Variants in ARHGAP12 observed in about 807,000 individuals in gnomAD.
ARHGAP12 encodes the protein rho GTPase-activating protein 12.
In ARHGAP12, 64 loss-of-function variants were observed where a neutral mutation model predicts 108.6. The ratio of observed to expected loss-of-function variants is 0.59; its 90% CI spans 0.48 to 0.73. The LOEUF (loss-of-function observed/expected upper bound fraction) is 0.73, where lower values mean the gene tolerates loss of function less well. Ranked by LOEUF, ARHGAP12 falls within the 30% of genes least tolerant of loss-of-function variation. The pLI, the probability that ARHGAP12 is intolerant of heterozygous loss-of-function variation, is 0.00. For synonymous variants in ARHGAP12, 312 were observed against 337.2 expected, an observed-to-expected ratio of 0.93 and a Z score of 0.82; for missense variants, 940 against 1,005.9, an observed-to-expected ratio of 0.93 and a Z score of 0.89.
At chr10:31,843,084 T>C (rs1836329075) in intron 7 of ARHGAP12, among the ~76,000 whole-genome samples, 1 of 152,062 alleles carries the variant, frequency 6.6e-6, no homozygotes, top group Non-Finnish European at 1.5e-5. Flanking sequence ...GATAACAGAA[T>C]GTGACTTTAA....
At chr10:31,854,006 C>T (rs1836793105) in intron 5 of ARHGAP12, 60 bp downstream of exon 5, 5 of 1,522,946 alleles carry the variant, frequency 3.3e-6, no homozygotes, top group Non-Finnish European at 4.4e-6. Context: ...AACTGCAGTA[C>T]ACAACTATTT....
intron 3 of ARHGAP12, among the ~76,000 whole-genome samples, chr10:31,895,078 T>C (rs376083526): frequency 9.9e-5 from 15 of 152,122 alleles, no homozygotes; most frequent in Non-Finnish European, 1.9e-4. Flanking sequence ...CCCTTCCTTA[T>C]ACCTTACACA....
intron 13 of ARHGAP12, among the ~76,000 whole-genome samples, chr10:31,814,852 A>G (rs1008725265): frequency 6.6e-6 from 1 of 152,026 alleles, no homozygotes; most frequent in Non-Finnish European, 1.5e-5. Context: ...GGTGGCTCAC[A>G]CCTGTAATCC....
intron 3 of ARHGAP12, among the ~76,000 whole-genome samples, chr10:31,876,597 T>C (rs1412343863): frequency 6.8e-6 from 1 of 147,586 alleles, no homozygotes; most frequent in Non-Finnish European, 1.5e-5. Context: ...CTCCACAACA[T>C]CTTACATATG....
At chr10:31,905,361 G>C (rs867693179) in intron 3 of ARHGAP12, among the ~76,000 whole-genome samples, 33 of 152,284 alleles carry the variant, frequency 2.2e-4, no homozygotes, top group African/African-American at 7.2e-4. Context: ...CTCCTGCATA[G>C]CTGGGACTAC....
intron 3 of ARHGAP12, among the ~76,000 whole-genome samples, chr10:31,895,790 G>T (rs1451585066): frequency 6.6e-6 from 1 of 152,224 alleles, no homozygotes; most frequent in African/African-American, 2.4e-5. Context: ...ACATGCACAC[G>T]TATGTTTATT....
At chr10:31,867,898 A>T (rs1837388602) in intron 3 of ARHGAP12, among the ~76,000 whole-genome samples, 1 of 150,214 alleles carries the variant, frequency 6.7e-6, no homozygotes, top group Non-Finnish European at 1.5e-5. Context: ...ATGATTTCTG[A>T]TTTAAAAAAA....
At chr10:31,833,438 G>C (rs1011840895) in intron 9 of ARHGAP12, among the ~76,000 whole-genome samples, 3 of 151,960 alleles carry the variant, frequency 2.0e-5, no homozygotes, top group Non-Finnish European at 4.4e-5. Flanking sequence ...CTAAGGATGA[G>C]AGGGAGAGTC....
chr10:31,863,273 T>C (rs1045324138), intron 3 of ARHGAP12, among the ~76,000 whole-genome samples: 2 of 152,236 alleles, frequency 1.3e-5, no homozygotes, highest in Non-Finnish European at 2.9e-5. Flanking sequence ...CTAGTGAATG[T>C]GTTTTCTCTG....
chr10:31,908,419 A>C lies in ARHGAP12; in HGVS notation c.437T>G (p.Val146Gly), dbSNP rs1482518289. 6.2e-7 allele frequency: 1 copy of C among 1,614,188 alleles called. No individual in the cohort carries two copies. The highest frequency in any genetic ancestry group is 1.3e-5 in the African/African-American group (1 of 75,044). ...ATGGGTCAGGTCCAGGCTTAGGTTG[A>C]CAGTCTGACCTTGATTATAACTGGG... ...FGPSYNQGQT[V>G]NLSLDLTHNN... is the part of the protein sequence containing the mutation. Residue 146 changes from valine to glycine, a missense_variant, in exon 3 of 20, where the codon GTC becomes GGC. Transcript: ENST00000344936.
intron 4 of ARHGAP12, among the ~76,000 whole-genome samples, chr10:31,854,636 A>C (rs1836819147): frequency 6.6e-6 from 1 of 152,202 alleles, no homozygotes; most frequent in African/African-American, 2.4e-5. Context: ...AGCCACATGC[A>C]AGGCAAACAA....
rs1156710703 is a variant in ARHGAP12, at chr10:31,823,116, C to T, written c.1531-2628G>A. On this transcript the variant is annotated intron_variant, in intron 11 of 19. Coordinates refer to ENST00000344936, the MANE Select transcript of ARHGAP12 (RefSeq NM_018287.7). ...TGTCACACTGAACCTGTTCACTTGTCAGTCTTCCCCACTACTACGTAAGCT... is the reference window on the plus strand; with the variant it reads ...TGTCACACTGAACCTGTTCACTTGTTAGTCTTCCCCACTACTACGTAAGCT... Among the ~76,000 whole-genome samples, 4 of 152,134 alleles carry T rather than the reference C, an allele frequency of 2.6e-5. No homozygotes were observed. The South Asian group carries it at 8.3e-4, about 31-fold the overall frequency.
At chr10:31,923,132 GAAA>G (rs58930834) in intron 1 of ARHGAP12, among the ~76,000 whole-genome samples, 9 of 83,212 alleles carry the variant, frequency 1.1e-4, no homozygotes, top group Middle Eastern at 7.8e-3. Flanking sequence ...ACCCTAACAG[GAAA>G]AAAAAAAAAA....
At chr10:31,867,478 T>C (rs966833700) in intron 3 of ARHGAP12, among the ~76,000 whole-genome samples, 1 of 152,168 alleles carries the variant, frequency 6.6e-6, no homozygotes, top group African/African-American at 2.4e-5. Flanking sequence ...ACCAAACTAA[T>C]TTTTACATAT....
At chr10:31,857,141 A>G (rs949508833) in intron 4 of ARHGAP12, among the ~76,000 whole-genome samples, 4 of 152,202 alleles carry the variant, frequency 2.6e-5, no homozygotes, top group African/African-American at 9.6e-5. Flanking sequence ...ACACGTGTGT[A>G]TGTGTTTGGG....
intron 10 of ARHGAP12, among the ~76,000 whole-genome samples, chr10:31,830,879 A>C (rs573150984): frequency 6.6e-6 from 1 of 152,250 alleles, no homozygotes; most frequent in Non-Finnish European, 1.5e-5. Context: ...GGCAAAATCA[A>C]AGAATTTAAC....
chr10:31,806,275 G>C lies in ARHGAP12; in HGVS notation c.*1383C>G, dbSNP rs895365390. 1 of 152,386 alleles carries C rather than the reference G, an allele frequency of 6.6e-6. No homozygotes were observed. Among genetic ancestry groups the C allele is most frequent in the African/African-American group, 2.4e-5 (1 of 41,424 alleles). 9.4% of individuals were successfully genotyped at this position (152,386 alleles called of 1,614,324 possible). On this transcript the variant is annotated 3_prime_UTR_variant, in exon 20 of 20. Transcript: ENST00000344936. Reference sequence around the variant, plus strand: ...AGTAAATGAAAAAACAAAAAAATTAGAAACCAAAATGCACATTTCCAATGG... The same window carrying C: ...AGTAAATGAAAAAACAAAAAAATTACAAACCAAAATGCACATTTCCAATGG...
At chr10:31,847,610 C>T (rs1458667917) in intron 6 of ARHGAP12, among the ~76,000 whole-genome samples, 1 of 152,114 alleles carries the variant, frequency 6.6e-6, no homozygotes, top group Non-Finnish European at 1.5e-5. Context: ...TCCTTCCTCT[C>T]CATAATCCTC....
rs758870041 is a variant in ARHGAP12, at chr10:31,843,602, GCAAAAAACA to G, written c.1171-25_1171-17del. On this transcript the variant is annotated splice_polypyrimidine_tract_variant and intron_variant, in intron 6 of 19. Transcript: ENST00000344936. ...AAGCATTATACTAAAACAAAACAAA[GCAAAAAACA>G]CAAAAAACAGTTCATAAACAATAGA... is the stretch of plus-strand genomic sequence containing the variant. 5 of 1,567,002 alleles carry G rather than the reference GCAAAAAACA, an allele frequency of 3.2e-6. No individual in the cohort carries two copies. Among genetic ancestry groups the G allele is most frequent in the Non-Finnish European group, 4.3e-6 (5 of 1,164,166 alleles).
Sources: gnomAD v4.1 joint callset for allele counts (sites outside exome capture counted in the v4.1 genomes callset) on GRCh38, gnomAD v4.1.1 for gene constraint, MANE v1.5 for transcripts, NCBI Gene and HGNC (gene_info 2026-07-23, HGNC 2026-07-21) for gene names.